The following DSCAM variants were observed in gnomAD, a reference collection of about 807,000 sequenced individuals.
DSCAM encodes DS cell adhesion molecule.
In DSCAM, 47 loss-of-function variants were observed where a neutral mutation model predicts 217.7. That is an observed-to-expected ratio of 0.22 (90% CI 0.17 to 0.28). The LOEUF is 0.28. Among genes scored for constraint, DSCAM ranks in the 10% least tolerant of loss-of-function variants. The pLI, the probability that DSCAM is intolerant of heterozygous loss-of-function variation, is 1.00. For missense variants in DSCAM, 2,080 were observed against 2,618.3 expected (o/e 0.79, Z 4.49); for synonymous variants, 1,056 against 1,015.3 (o/e 1.04, Z -0.76).
chr21:40,707,571 T>A (rs1179847765), intron 2 of DSCAM, among the ~76,000 whole-genome samples: 1 of 152,180 alleles, frequency 6.6e-6, no homozygotes, highest in Non-Finnish European at 1.5e-5. Context: ...CAGCACCTAC[T>A]CACTTACTGA....
At chr21:40,755,831 A>T (rs1391976962) in intron 1 of DSCAM, among the ~76,000 whole-genome samples, 2 of 152,232 alleles carry the variant, frequency 1.3e-5, no homozygotes, top group East Asian at 1.9e-4. Context: ...AAATTCTGTC[A>T]TCCTTCATGC....
intron 16 of DSCAM, among the ~76,000 whole-genome samples, chr21:40,149,460 A>G (rs984082403): frequency 7.8e-6 from 1 of 128,156 alleles, no homozygotes; most frequent in African/African-American, 2.9e-5. Flanking sequence ...ACAACATCCA[A>G]TACTCCATCA....
At chr21:40,727,789 C>T (rs996489963) in intron 1 of DSCAM, among the ~76,000 whole-genome samples, 1 of 152,170 alleles carries the variant, frequency 6.6e-6, no homozygotes, top group Non-Finnish European at 1.5e-5. Flanking sequence ...TTTTGAGGAC[C>T]CCATTCTCCA....
At chr21:40,490,367 A>G (rs1397556471) in intron 3 of DSCAM, among the ~76,000 whole-genome samples, 1 of 152,188 alleles carries the variant, frequency 6.6e-6, no homozygotes. Flanking sequence ...TGGAATCTAT[A>G]ATTGGATTCT....
At chr21:40,699,672 G>A (rs1210154740) in intron 2 of DSCAM, among the ~76,000 whole-genome samples, 1 of 152,188 alleles carries the variant, frequency 6.6e-6, no homozygotes, top group East Asian at 1.9e-4. Context: ...ATTGCCTTAA[G>A]CGAAAGCCTA....
intron 3 of DSCAM, among the ~76,000 whole-genome samples, chr21:40,380,063 G>C (rs1265511859): frequency 1.3e-5 from 2 of 152,222 alleles, no homozygotes; most frequent in Admixed American, 1.3e-4. Context: ...TTCTCTCAAA[G>C]CAATTTCACT....
chr21:40,240,349 G>GT (rs749073872), intron 11 of DSCAM, among the ~76,000 whole-genome samples: 4,659 of 57,450 alleles, frequency 0.081, 385 homozygotes, highest in East Asian at 0.35. Context: ...TTCCTCACTG[G>GT]TTTTTTTTTT....
intron 10 of DSCAM, among the ~76,000 whole-genome samples, chr21:40,294,150 C>T (rs1306087377): frequency 2.0e-5 from 3 of 152,028 alleles, no homozygotes; most frequent in African/African-American, 7.2e-5. Context: ...ACTATTACAA[C>T]CTAATTTTTA....
intron 11 of DSCAM, among the ~76,000 whole-genome samples, chr21:40,202,371 T>A (rs2091079214): frequency 1.3e-5 from 2 of 152,196 alleles, no homozygotes; most frequent in Admixed American, 6.5e-5. Context: ...TAAATCATCA[T>A]CCCCATTAGC....
intron 3 of DSCAM, among the ~76,000 whole-genome samples, chr21:40,409,470 G>A (rs971658604): frequency 2.0e-5 from 3 of 152,174 alleles, no homozygotes; most frequent in South Asian, 2.1e-4. Context: ...CAGTTTCAAC[G>A]CTGAAGAGGC....
rs1249699384 is a variant in DSCAM, at chr21:40,040,926, CG to C, written c.5686+1444del. 5.0e-3 allele frequency among the ~76,000 whole-genome samples: 576 copies of C among 115,082 alleles called. 4 individuals are homozygous for C. The highest frequency in any genetic ancestry group is 0.021 in the African/African-American group (560 of 27,092). The allele number at this position is 115,082 out of a possible 152,430, so 75.5% of individuals were successfully genotyped here. A position where few individuals can be genotyped will look rare whatever the true frequency, so the allele number is the denominator to read the frequency against. On this transcript the variant is annotated intron_variant, in intron 32 of 32. Coordinates refer to ENST00000400454, the MANE Select transcript of DSCAM (RefSeq NM_001389.5). ...GCCTTGCAAATAAATGCCAACAACACGAAAAAAAAAAAATAGTTGAAATAAA... is the reference window on the plus strand; with the variant it reads ...GCCTTGCAAATAAATGCCAACAACACAAAAAAAAAAAATAGTTGAAATAAA...
At chr21:40,056,574 C>A (rs1038793449) in intron 28 of DSCAM, among the ~76,000 whole-genome samples, 1 of 152,040 alleles carries the variant, frequency 6.6e-6, no homozygotes, top group Non-Finnish European at 1.5e-5. Flanking sequence ...GCACAAAAAT[C>A]TAAAAAAGTC....
intron 8 of DSCAM, among the ~76,000 whole-genome samples, chr21:40,323,207 C>G (rs2073346053): frequency 6.6e-6 from 1 of 152,156 alleles, no homozygotes; most frequent in African/African-American, 2.4e-5. Context: ...CTTCCCTCCT[C>G]GGTTGTTGAT....
intron 30 of DSCAM, among the ~76,000 whole-genome samples, chr21:40,045,624 G>A (rs1031739119): frequency 2.0e-5 from 3 of 152,126 alleles, no homozygotes; most frequent in Admixed American, 1.3e-4. Context: ...ATTTTTCTGG[G>A]GCTCCAGCCT....
chr21:40,666,406 C>G (rs1304136299), intron 3 of DSCAM, among the ~76,000 whole-genome samples: 1 of 152,150 alleles, frequency 6.6e-6, no homozygotes, highest in Non-Finnish European at 1.5e-5. Flanking sequence ...TACCCAGGAT[C>G]ACATAGCAAG....
chr21:40,378,554 A>ATTTTTTTTTTTTTTTTTTTTT (rs71186931), intron 3 of DSCAM, among the ~76,000 whole-genome samples: 1 of 75,650 alleles, frequency 1.3e-5, no homozygotes, highest in Non-Finnish European at 2.5e-5. Flanking sequence ...ATGAAAACTT[A>ATTTTTTTTTTTTTTTTTTTTT]TTTTTTTTTT....
At chr21:40,612,469 G>T (rs1475036671) in intron 3 of DSCAM, among the ~76,000 whole-genome samples, 1 of 152,162 alleles carries the variant, frequency 6.6e-6, no homozygotes, top group South Asian at 2.1e-4. Context: ...ATCAGCTCAT[G>T]AATGACAATG....
rs1601379879 is a variant in DSCAM at position 40,144,361 on chromosome 21, G to A, written c.3259+130C>T. The A allele has an allele frequency of 1.3e-5, 18 of 1,433,568 alleles. No homozygotes were observed. Among genetic ancestry groups the A allele is most frequent in the Non-Finnish European group, 1.5e-5 (16 of 1,059,856 alleles). 88.8% of individuals were successfully genotyped at this position (1,433,568 alleles called of 1,614,324 possible). A position where few individuals can be genotyped will look rare whatever the true frequency, so the allele number is the denominator to read the frequency against. On this transcript the variant is annotated intron_variant, in intron 17 of 32. Coordinates refer to ENST00000400454, the MANE Select transcript of DSCAM (RefSeq NM_001389.5). This position sits in a 1 kb window ranked among gnomAD's most constrained non-coding sequence, Gnocchi z 4.8. Reference sequence around the variant, plus strand: ...GTCACGAGGGAAGGCTTTTCCACCCGAGACCCCAGGCCCTGCAGGTCACTG... The same window carrying A: ...GTCACGAGGGAAGGCTTTTCCACCCAAGACCCCAGGCCCTGCAGGTCACTG...
intron 20 of DSCAM, among the ~76,000 whole-genome samples, chr21:40,097,387 T>C (rs540012161): frequency 2.0e-5 from 3 of 151,944 alleles, no homozygotes; most frequent in East Asian, 3.9e-4. Flanking sequence ...TTACAAAATA[T>C]AGCATAAAAT....
Sources: gnomAD v4.1 joint callset for allele counts (sites outside exome capture counted in the v4.1 genomes callset) on GRCh38, gnomAD v4.1.1 for gene constraint, Gnocchi (gnomAD v3.1) non-coding constraint, MANE v1.5 for transcripts, NCBI Gene and HGNC (gene_info 2026-07-23, HGNC 2026-07-21) for gene names.